The following MARCHF6 variants were observed in gnomAD, a reference collection of about 807,000 sequenced individuals.
The protein encoded by MARCHF6 is E3 ubiquitin-protein ligase MARCHF6.
In MARCHF6, 31 loss-of-function variants were observed where a neutral mutation model predicts 133.7. The ratio of observed to expected loss-of-function variants is 0.23; its 90% CI spans 0.17 to 0.31. MARCHF6 has a LOEUF of 0.31. Among genes scored for constraint, MARCHF6 ranks in the 10% least tolerant of loss-of-function variants. MARCHF6 has a pLI of 1.00. For synonymous variants in MARCHF6, 395 were observed against 402.5 expected (o/e 0.98, Z 0.22); for missense variants, 723 against 1,121.6 (o/e 0.64, Z 5.08).
intron 17 of MARCHF6, among the ~76,000 whole-genome samples, chr5:10,409,421 A>C (rs1216002504): frequency 6.6e-6 from 1 of 152,220 alleles, no homozygotes; most frequent in Non-Finnish European, 1.5e-5. Flanking sequence ...TTCTTGCAGA[A>C]AGTAGGTGCA....
intron 4 of MARCHF6, among the ~76,000 whole-genome samples, chr5:10,385,633 AAGCC>A (rs924366107): frequency 2.0e-5 from 3 of 152,242 alleles, no homozygotes; most frequent in Non-Finnish European, 2.9e-5. Context: ...GGCTAACAAA[AAGCC>A]AGAGCAATAT....
intron 22 of MARCHF6, among the ~76,000 whole-genome samples, chr5:10,419,342 T>C (rs1739705344): frequency 6.6e-6 from 1 of 152,120 alleles, no homozygotes; most frequent in Admixed American, 6.5e-5. Flanking sequence ...AAAAATAAAA[T>C]AGGTTTTGTG....
chr5:10,404,189 T>TC (rs1258157141), intron 15 of MARCHF6, among the ~76,000 whole-genome samples: 1 of 151,940 alleles, frequency 6.6e-6, no homozygotes, highest in Non-Finnish European at 1.5e-5. Context: ...TGCTTGAACC[T>TC]CCCAAGTAGC....
chr5:10,387,354 G>T (rs1325665865), intron 5 of MARCHF6, among the ~76,000 whole-genome samples: 1 of 151,024 alleles, frequency 6.6e-6, no homozygotes, highest in Non-Finnish European at 1.5e-5. Context: ...CCAGGCTGGA[G>T]TATAATGGTG....
chr5:10,436,169 C>G lies in MARCHF6; in HGVS notation c.*2485C>G, dbSNP rs1240269223. The G allele has an allele frequency of 6.6e-6, 1 of 152,116 alleles. No individual in the cohort carries two copies. The highest frequency in any genetic ancestry group is 1.5e-5 in the Non-Finnish European group (1 of 68,026). 9.4% of individuals were successfully genotyped at this position (152,116 alleles called of 1,614,324 possible). A position where few individuals can be genotyped will look rare whatever the true frequency, so the allele number is the denominator to read the frequency against. ...CAGATACTTCAAAAGGTTAAAAATT[C>G]TTAATCCTACAGAATTTTAAATGAA... On this transcript the variant is annotated 3_prime_UTR_variant, in exon 26 of 26. Transcript: ENST00000274140.
rs1579609634 is a variant in MARCHF6, at chr5:10,417,410, T to C, written c.2283+6T>C. Reference sequence around the variant, plus strand: ...CTCTTTTTTATCCATGGCAGGTAAATGTATGTCTTTTGCTCATGTTATTTC... The same window carrying C: ...CTCTTTTTTATCCATGGCAGGTAAACGTATGTCTTTTGCTCATGTTATTTC... On this transcript the variant is annotated splice_donor_region_variant and intron_variant, in intron 22 of 25. Coordinates refer to ENST00000274140, the MANE Select transcript of MARCHF6 (RefSeq NM_005885.4). 6.2e-7 allele frequency: 1 copy of C among 1,613,158 alleles called. No individual in the cohort carries two copies. The highest frequency in any genetic ancestry group is 8.5e-7 in the Non-Finnish European group (1 of 1,179,784).
intron 1 of MARCHF6, chr5:10,354,799 TG>T (rs1735345112): frequency 6.6e-6 from 1 of 152,168 alleles, no homozygotes; most frequent in African/African-American, 2.4e-5. Context: ...GGTATATTTA[TG>T]GGGGTATGAG....
intron 1 of MARCHF6, 81 bp downstream of exon 1, chr5:10,353,998 TG>T: frequency 7.1e-7 from 1 of 1,399,394 alleles, no homozygotes. Flanking sequence ...GCGCTCGAGG[TG>T]GGCTGCTGGA....
At chr5:10,426,954 G>T (rs765473211) in intron 24 of MARCHF6, among the ~76,000 whole-genome samples, 5 of 152,236 alleles carry the variant, frequency 3.3e-5, no homozygotes, top group Non-Finnish European at 7.3e-5. Context: ...CTGTCTTGTT[G>T]ATTGTGTAGT....
intron 17 of MARCHF6, among the ~76,000 whole-genome samples, chr5:10,407,441 T>C (rs1271801477): frequency 6.6e-6 from 1 of 152,184 alleles, no homozygotes; most frequent in East Asian, 1.9e-4. Context: ...AGATAAACAT[T>C]AGTACTTACA....
At chr5:10,408,944 T>C (rs1739069192) in intron 17 of MARCHF6, among the ~76,000 whole-genome samples, 1 of 152,208 alleles carries the variant, frequency 6.6e-6, no homozygotes, top group Non-Finnish European at 1.5e-5. Context: ...GCAGAAATCA[T>C]GTCTTATTTA....
intron 3 of MARCHF6, among the ~76,000 whole-genome samples, chr5:10,379,080 T>C (rs554491971): frequency 6.6e-6 from 1 of 151,738 alleles, no homozygotes; most frequent in Admixed American, 6.6e-5. Context: ...TTTTTGTCTT[T>C]AAAATTTATT....
intron 9 of MARCHF6, among the ~76,000 whole-genome samples, chr5:10,396,604 G>A (rs1738205506): frequency 6.6e-6 from 1 of 152,178 alleles, no homozygotes; most frequent in Admixed American, 6.5e-5. Context: ...TGCGGGGAAG[G>A]TTGTGGGCAT....
intron 22 of MARCHF6, 142 bp from the exon 23 acceptor site, chr5:10,423,593 C>T (rs996799870): frequency 2.9e-5 from 13 of 454,190 alleles, no homozygotes; most frequent in Non-Finnish European, 5.0e-5. Flanking sequence ...GTTTTCAGTA[C>T]GTTAGTCTTT....
At chr5:10,413,489 T>G (rs1482853353) in intron 19 of MARCHF6, 1 of 152,244 alleles carries the variant, frequency 6.6e-6, no homozygotes, top group Non-Finnish European at 1.5e-5. Flanking sequence ...GCCTTTCTGC[T>G]CAGGGAAACT....
At chr5:10,426,638 C>T in intron 24 of MARCHF6, 116 bp downstream of exon 24, 1 of 1,111,464 alleles carries the variant, frequency 9.0e-7, no homozygotes, top group Non-Finnish European at 1.3e-6. Context: ...AAATGTGAAT[C>T]CAGCTAAGAC....
intron 1 of MARCHF6, among the ~76,000 whole-genome samples, chr5:10,364,808 T>C (rs1403119243): frequency 6.6e-6 from 1 of 152,314 alleles, no homozygotes; most frequent in South Asian, 2.1e-4. Flanking sequence ...GCTTCTTCTT[T>C]ATTTTTATTT....
At chr5:10,365,293 AATTATT>A (rs916041154) in intron 1 of MARCHF6, among the ~76,000 whole-genome samples, 9 of 151,380 alleles carry the variant, frequency 5.9e-5, no homozygotes, top group South Asian at 2.1e-4. Flanking sequence ...AGAGAATTGG[AATTATT>A]ATTATTATTA....
intron 21 of MARCHF6, among the ~76,000 whole-genome samples, chr5:10,416,148 G>C (rs1477891139): frequency 1.3e-5 from 2 of 151,932 alleles, no homozygotes; most frequent in East Asian, 3.8e-4. Flanking sequence ...TAACATTATT[G>C]CTCTCAGTAA....
Sources: allele counts gnomAD v4.1 joint callset (sites outside exome capture counted in the v4.1 genomes callset), GRCh38; gene constraint gnomAD v4.1.1; transcripts MANE v1.5; gene names NCBI Gene and HGNC (gene_info 2026-07-23, HGNC 2026-07-21).